Variants in PEPD observed in about 807,000 individuals in gnomAD.
PEPD encodes the protein peptidase D, also known as xaa-Pro dipeptidase.
Under a neutral mutation model 60.7 loss-of-function variants are expected in PEPD, and 53 were observed. The ratio of observed to expected loss-of-function variants is 0.87; its 90% CI spans 0.70 to 1.10. The LOEUF is 1.10. PEPD is among the 50% of genes least tolerant of loss of function. The probability of loss-of-function intolerance (pLI) is 0.00; values close to 1 mark genes in which losing one functional copy is unlikely to be tolerated. For synonymous variants in PEPD, 267 were observed against 284.1 expected (o/e 0.94, Z 0.60); for missense variants, 711 against 711.9 (o/e 1.00, Z 0.01).
At chr19:33,469,452 G>A (rs982687407) in intron 7 of PEPD, among the ~76,000 whole-genome samples, 3 of 152,102 alleles carry the variant, frequency 2.0e-5, no homozygotes, top group Admixed American at 6.5e-5. Context: ...TGCCCCCCAC[G>A]GGAGCCGCCA....
At chr19:33,492,727 G>T (rs1970523634) in intron 5 of PEPD, among the ~76,000 whole-genome samples, 1 of 150,976 alleles carries the variant, frequency 6.6e-6, no homozygotes, top group Admixed American at 6.6e-5. Flanking sequence ...CTTCTAGCCA[G>T]GTTTAACCTT....
intron 1 of PEPD, among the ~76,000 whole-genome samples, chr19:33,517,140 C>T (rs971952127): frequency 1.3e-5 from 2 of 152,214 alleles, no homozygotes; most frequent in Non-Finnish European, 2.9e-5. Flanking sequence ...GAGATCGCAA[C>T]ACTACACTCC....
rs1264015870 is a variant in PEPD at position 33,491,896 on chromosome 19, C to T, written c.441+1394G>A. Among the ~76,000 whole-genome samples the T allele has an allele frequency of 7.2e-4, 109 of 152,096 alleles. 2 individuals are homozygous for T. The highest frequency in any genetic ancestry group is 5.9e-5 in the Non-Finnish European group (4 of 68,034). On this transcript the variant is annotated intron_variant, in intron 5 of 14. Transcript: ENST00000244137. ...CTAAAAACATAAAGTATATTGATTTCTTTATTACAGCTAGCAGATATTTAA... is the reference window on the plus strand; with the variant it reads ...CTAAAAACATAAAGTATATTGATTTTTTTATTACAGCTAGCAGATATTTAA...
intron 9 of PEPD, among the ~76,000 whole-genome samples, chr19:33,433,089 G>A (rs1038955612): frequency 6.6e-6 from 1 of 152,194 alleles, no homozygotes; most frequent in Non-Finnish European, 1.5e-5. Context: ...AGGGCCCCAG[G>A]AGCTACACAC....
At chr19:33,422,331 C>CATCA (rs1303200030) in intron 9 of PEPD, among the ~76,000 whole-genome samples, 15 of 152,194 alleles carry the variant, frequency 9.9e-5, no homozygotes, top group East Asian at 1.9e-4. Flanking sequence ...CTAGCTATCC[C>CATCA]ATCAATCAAT....
intron 3 of PEPD, among the ~76,000 whole-genome samples, chr19:33,505,201 G>C (rs1047379878): frequency 3.9e-5 from 6 of 152,216 alleles, no homozygotes; most frequent in African/African-American, 1.4e-4. Flanking sequence ...CATTTCCCGC[G>C]GCCCGGCCTG....
intron 1 of PEPD, among the ~76,000 whole-genome samples, chr19:33,518,411 G>C (rs1971065027): frequency 6.6e-6 from 1 of 152,172 alleles, no homozygotes; most frequent in African/African-American, 2.4e-5. Context: ...TCTTGACCCA[G>C]AATGTGAATT....
intron 9 of PEPD, among the ~76,000 whole-genome samples, chr19:33,426,258 A>T (rs899665665): frequency 6.6e-6 from 1 of 152,230 alleles, no homozygotes; most frequent in Non-Finnish European, 1.5e-5. Context: ...CACCCCTTCT[A>T]GAAAAAGCAA....
At chr19:33,440,416 C>G (rs779471749) in intron 9 of PEPD, among the ~76,000 whole-genome samples, 1 of 152,136 alleles carries the variant, frequency 6.6e-6, no homozygotes, top group Non-Finnish European at 1.5e-5. Context: ...TCCTCCTGGG[C>G]TCGCTGCTCC....
Position 33,401,845 on chromosome 19 carries a change from A to G in PEPD, c.843T>C (p.Tyr281=), listed in dbSNP as rs756506775. 1.9e-6 allele frequency: 3 copies of G among 1,613,254 alleles called. No individual in the cohort carries two copies. Among genetic ancestry groups the G allele is most frequent in the Non-Finnish European group, 2.5e-6 (3 of 1,179,958 alleles). Reference sequence around the variant, plus strand: ...AGGTGATGTCGGAAGCGAAGCAGTAATACTCACCGCCCATGTCGAACAGGC... The same window carrying G: ...AGGTGATGTCGGAAGCGAAGCAGTAGTACTCACCGCCCATGTCGAACAGGC... ...DMCLFDMGGE[Y]YCFASDITCS... is the part of the protein sequence containing the mutation. Residue 281 remains tyrosine (Y), a synonymous_variant, in exon 12 of 15, where the codon TAT becomes TAC. Transcript: ENST00000244137.
At chr19:33,495,021 AGCT>A (rs1223988250) in intron 4 of PEPD, among the ~76,000 whole-genome samples, 12 of 152,200 alleles carry the variant, frequency 7.9e-5, no homozygotes, top group Non-Finnish European at 1.5e-5. Context: ...CTGTAGTCCC[AGCT>A]ACTCAGGAGG....
At chr19:33,493,590 T>G (rs899843001) in intron 4 of PEPD, among the ~76,000 whole-genome samples, 33 of 152,042 alleles carry the variant, frequency 2.2e-4, no homozygotes, top group Non-Finnish European at 4.7e-4. Context: ...CGCACCGCCC[T>G]GCTTCCAGGC....
At chr19:33,429,816 T>C (rs1014532037) in intron 9 of PEPD, among the ~76,000 whole-genome samples, 1 of 152,156 alleles carries the variant, frequency 6.6e-6, no homozygotes, top group African/African-American at 2.4e-5. Flanking sequence ...CGATTGCAAA[T>C]GGGCAAAGGA....
chr19:33,488,531 A>AGGGCCTGG (rs1182664037), intron 6 of PEPD, among the ~76,000 whole-genome samples: 1 of 152,030 alleles, frequency 6.6e-6, no homozygotes, highest in Non-Finnish European at 1.5e-5. Context: ...AGCCCCTCTG[A>AGGGCCTGG]GGGCCTGGGG....
At chr19:33,501,135 C>T in intron 3 of PEPD, 134 bp from the exon 4 acceptor site, 1 of 734,362 alleles carries the variant, frequency 1.4e-6, no homozygotes, top group Non-Finnish European at 2.5e-6. Flanking sequence ...GCACCCAGCA[C>T]CCGGCACCGA....
chr19:33,444,239 AAGGCTGGGACATGGAACCCAGCC>A (rs144792611), intron 9 of PEPD, among the ~76,000 whole-genome samples: 13,810 of 152,124 alleles, frequency 0.091, 643 homozygotes, highest in Middle Eastern at 0.13. Context: ...GCATGCTCTC[AAGGCTGGGACATGGAACCCAGCC>A]AGGCTGGGAC....
At chr19:33,505,079 A>G (rs1212950862) in intron 3 of PEPD, among the ~76,000 whole-genome samples, 1 of 152,206 alleles carries the variant, frequency 6.6e-6, no homozygotes, top group Non-Finnish European at 1.5e-5. Flanking sequence ...CAGTGCAGAC[A>G]CGAGGAGCCC....
At chr19:33,461,748 G>A (rs1969929688) in intron 9 of PEPD, among the ~76,000 whole-genome samples, 1 of 152,198 alleles carries the variant, frequency 6.6e-6, no homozygotes, top group Non-Finnish European at 1.5e-5. Flanking sequence ...AGGGGGTCCT[G>A]GGAATGCTGG....
chr19:33,505,790 CCACATA>C, intron 3 of PEPD, among the ~76,000 whole-genome samples: 1 of 145,564 alleles, frequency 6.9e-6, no homozygotes, highest in East Asian at 2.1e-4. Context: ...ACCCACACAC[CCACATA>C]CACCCTCATC....
Sources: gnomAD v4.1 joint callset for allele counts (sites outside exome capture counted in the v4.1 genomes callset) on GRCh38, gnomAD v4.1.1 for gene constraint, MANE v1.5 for transcripts, NCBI Gene and HGNC (gene_info 2026-07-23, HGNC 2026-07-21) for gene names.